ADAMTS20: variants seen among roughly 807,000 people sequenced by gnomAD.
The protein encoded by ADAMTS20 is A disintegrin and metalloproteinase with thrombospondin motifs 20.
In ADAMTS20, 225 loss-of-function variants were observed where a neutral mutation model predicts 260.1. That is an observed-to-expected ratio of 0.87 (90% confidence interval 0.78 to 0.97). ADAMTS20 has a LOEUF of 0.97. Among genes scored for constraint, ADAMTS20 ranks in the 50% least tolerant of loss-of-function variants. The pLI is 0.00. For missense variants in ADAMTS20, 2,400 were observed against 2,337.7 expected (o/e 1.03, Z -0.55); for synonymous variants, 802 against 769.5 (o/e 1.04, Z -0.70).
chr12:43,375,356 T>G, intron 36 of ADAMTS20, 23 bp downstream of exon 36: 1 of 1,603,378 alleles, frequency 6.2e-7, no homozygotes, highest in Non-Finnish European at 8.5e-7. Context: ...TTTTTGATTT[T>G]AAAATATAGA....
At chr12:43,528,348 C>CAAAACAAAAAAAAAAA (rs1943171793) in intron 3 of ADAMTS20, among the ~76,000 whole-genome samples, 1 of 29,048 alleles carries the variant, frequency 3.4e-5, no homozygotes, top group Admixed American at 7.0e-4. Flanking sequence ...CAATCCTAAG[C>CAAAACAAAAAAAAAAA]AAAAAAAAAA....
chr12:43,364,929 AAGT>A (rs1201467989), intron 37 of ADAMTS20, among the ~76,000 whole-genome samples: 1 of 152,128 alleles, frequency 6.6e-6, no homozygotes, highest in Non-Finnish European at 1.5e-5. Flanking sequence ...ACTCCAAGCC[AAGT>A]AGACACAAAG....
chr12:43,503,662 C>T (rs958763817), intron 3 of ADAMTS20, among the ~76,000 whole-genome samples: 6 of 152,004 alleles, frequency 3.9e-5, no homozygotes, highest in African/African-American at 1.4e-4. Context: ...TATTTCGTTA[C>T]CCAGGTACTA....
chr12:43,537,216 GT>G (rs138641821), intron 2 of ADAMTS20, among the ~76,000 whole-genome samples: 13,541 of 147,370 alleles, frequency 0.092, 756 homozygotes, highest in Admixed American at 0.2. Flanking sequence ...AATTTTGAAG[GT>G]TTTTTTTTTG....
At chr12:43,415,456 G>C (rs1417559602) in intron 28 of ADAMTS20, among the ~76,000 whole-genome samples, 1 of 152,052 alleles carries the variant, frequency 6.6e-6, no homozygotes, top group African/African-American at 2.4e-5. Flanking sequence ...AATATTATTA[G>C]CCTTTTCTAC....
intron 29 of ADAMTS20, among the ~76,000 whole-genome samples, chr12:43,386,606 T>A (rs1161209727): frequency 6.6e-6 from 1 of 152,204 alleles, no homozygotes; most frequent in Non-Finnish European, 1.5e-5. Context: ...ATTCTCCCTG[T>A]CACTTTCAGG....
intron 36 of ADAMTS20, among the ~76,000 whole-genome samples, chr12:43,370,736 C>G (rs1461090672): frequency 6.6e-6 from 1 of 152,178 alleles, no homozygotes; most frequent in Non-Finnish European, 1.5e-5. Flanking sequence ...TTGCCCTGCT[C>G]TATTTCCCAT....
chr12:43,377,876 T>A (rs1022672554), intron 31 of ADAMTS20, among the ~76,000 whole-genome samples: 35 of 152,064 alleles, frequency 2.3e-4, no homozygotes, highest in Non-Finnish European at 4.4e-5. Context: ...AGGCACAGCA[T>A]TGGAGGAATA....
intron 2 of ADAMTS20, among the ~76,000 whole-genome samples, chr12:43,532,564 T>TTTA (rs1424009577): frequency 3.4e-5 from 5 of 148,976 alleles, no homozygotes; most frequent in Admixed American, 6.7e-5. Context: ...TGTTTTTTTT[T>TTTA]TTATTATACT....
intron 28 of ADAMTS20, among the ~76,000 whole-genome samples, chr12:43,414,882 C>T (rs1941100284): frequency 6.6e-6 from 1 of 151,936 alleles, no homozygotes; most frequent in South Asian, 2.1e-4. Context: ...GAGAAATGCT[C>T]ATCACAGCAT....
At chr12:43,535,698 T>A (rs1227328790) in intron 2 of ADAMTS20, among the ~76,000 whole-genome samples, 2 of 152,206 alleles carry the variant, frequency 1.3e-5, no homozygotes, top group South Asian at 2.1e-4. Flanking sequence ...TAACTTTTTT[T>A]AATATCTTGA....
rs79903129 is a variant in ADAMTS20 at position 43,527,167 on chromosome 12, T to C, written c.613+4869A>G. Reference sequence around the variant, plus strand: ...GAAATAGAAACCCTACACAGACCAATAACATGCAGTAAAACTGAATCAGTA... The same window carrying C: ...GAAATAGAAACCCTACACAGACCAACAACATGCAGTAAAACTGAATCAGTA... On this transcript the variant is annotated intron_variant, in intron 3 of 38. Transcript: ENST00000389420. Among the ~76,000 whole-genome samples, 488 of 152,166 alleles carry C rather than the reference T, an allele frequency of 3.2e-3. 7 individuals are homozygous for C. Among genetic ancestry groups the C allele is most frequent in the East Asian group, 0.028 (143 of 5,180 alleles).
chr12:43,375,696 G>A (rs1454513319), intron 35 of ADAMTS20, among the ~76,000 whole-genome samples, 184 bp from the exon 36 acceptor site: 1 of 152,134 alleles, frequency 6.6e-6, no homozygotes, highest in Non-Finnish European at 1.5e-5. Context: ...AAACATCTAA[G>A]AAGAGCTTGT....
chr12:43,542,988 T>C (rs964490641), intron 2 of ADAMTS20, among the ~76,000 whole-genome samples: 3 of 152,068 alleles, frequency 2.0e-5, no homozygotes, highest in Admixed American at 1.3e-4. Context: ...ATCTGGGCAA[T>C]TGAAGTCCAA....
intron 12 of ADAMTS20, among the ~76,000 whole-genome samples, 193 bp from the exon 13 acceptor site, chr12:43,452,888 G>A (rs1678559527): frequency 6.6e-6 from 1 of 152,122 alleles, no homozygotes; most frequent in Non-Finnish European, 1.5e-5. Flanking sequence ...CCTTAACGTG[G>A]ACAGTGAGCC....
At chr12:43,536,505 A>C (rs1943297225) in intron 2 of ADAMTS20, among the ~76,000 whole-genome samples, 2 of 72,200 alleles carry the variant, frequency 2.8e-5, no homozygotes, top group African/African-American at 7.3e-5. Flanking sequence ...AATAAGTGCA[A>C]TAAAAAATAA....
chr12:43,541,294 C>A (rs1943373390), intron 2 of ADAMTS20, among the ~76,000 whole-genome samples: 1 of 152,104 alleles, frequency 6.6e-6, no homozygotes. Flanking sequence ...CTCATAGACT[C>A]TTATGTAAAT....
intron 36 of ADAMTS20, among the ~76,000 whole-genome samples, chr12:43,374,694 GA>G (rs1940182821): frequency 6.6e-6 from 1 of 152,128 alleles, no homozygotes; most frequent in African/African-American, 2.4e-5. Flanking sequence ...TAATGTATGG[GA>G]AAATACCTGA....
chr12:43,494,249 T>C (rs1397713906), intron 4 of ADAMTS20, among the ~76,000 whole-genome samples: 1 of 152,212 alleles, frequency 6.6e-6, no homozygotes, highest in African/African-American at 2.4e-5. Flanking sequence ...ATGTTCAGTA[T>C]CTACTCATTG....
Sources: gnomAD v4.1 joint callset for allele counts (sites outside exome capture counted in the v4.1 genomes callset) on GRCh38, gnomAD v4.1.1 for gene constraint, MANE v1.5 for transcripts, NCBI Gene and HGNC (gene_info 2026-07-23, HGNC 2026-07-21) for gene names.